The following TLE1 variants were observed in gnomAD, a reference collection of about 807,000 sequenced individuals.
TLE1 encodes transducin-like enhancer protein 1.
In TLE1, 21 loss-of-function variants were observed where a neutral mutation model predicts 89.8. The ratio of observed to expected loss-of-function variants is 0.23; its 90% CI spans 0.17 to 0.34. The LOEUF is 0.34. TLE1 is among the 10% of genes least tolerant of loss of function. The pLI is 1.00. For missense variants in TLE1, 795 were observed against 1,031.2 expected, an observed-to-expected ratio of 0.77 and a Z score of 3.14; for synonymous variants, 447 against 407.6, an observed-to-expected ratio of 1.10 and a Z score of -1.16.
rs750147959 is a variant in TLE1 at position 81,616,740 on chromosome 9, G to C, written c.712-41C>G. ...ATTAACGCCATTTACTAAAAGCTAAGAATAGGTTTGAGGCACAGTTAGATT... is the reference window on the plus strand; with the variant it reads ...ATTAACGCCATTTACTAAAAGCTAACAATAGGTTTGAGGCACAGTTAGATT... On this transcript the variant is annotated intron_variant, in intron 9 of 19. Coordinates refer to ENST00000376499, the MANE Select transcript of TLE1 (RefSeq NM_005077.5). 6.8e-6 allele frequency: 11 copies of C among 1,610,002 alleles called. No homozygotes were observed. The South Asian group carries it at 1.2e-4, about 18-fold the overall frequency.
At chr9:81,677,245 CA>C (rs71359022) in intron 4 of TLE1, among the ~76,000 whole-genome samples, 2 of 144,938 alleles carry the variant, frequency 1.4e-5, no homozygotes, top group African/African-American at 2.6e-5. Flanking sequence ...TTCCCCCCCC[CA>C]AAAAAAAGAC....
intron 4 of TLE1, among the ~76,000 whole-genome samples, chr9:81,674,811 C>G (rs551544808): frequency 1.3e-5 from 2 of 152,006 alleles, no homozygotes; most frequent in Non-Finnish European, 2.9e-5. Context: ...GTACAAAGGG[C>G]AAGTCTAGGA....
chr9:81,687,726 G>A (rs1298372122), intron 1 of TLE1, among the ~76,000 whole-genome samples: 1 of 152,048 alleles, frequency 6.6e-6, no homozygotes, highest in Non-Finnish European at 1.5e-5. Flanking sequence ...GGCCAGGGAA[G>A]ACCAGGCCAG....
At chr9:81,634,374 G>A in intron 6 of TLE1, 73 bp from the exon 7 acceptor site, 1 of 1,268,032 alleles carries the variant, frequency 7.9e-7, no homozygotes, top group Non-Finnish European at 1.1e-6. Flanking sequence ...GGCGATGGAG[G>A]CGGCATCCAG....
At position 81,688,680 on chromosome 9, in the gene TLE1, C is replaced by T. The variant is rs1312936736; in HGVS notation, c.-440G>A. On this transcript the variant is annotated 5_prime_UTR_variant, in exon 1 of 20. Coordinates refer to ENST00000376499, the MANE Select transcript of TLE1 (RefSeq NM_005077.5). ...CGGACTGCTTTTCTTTGCTCTTCTC[C>T]TGGTCCGCCTCCTCTTCGGGCTTTC... 3.1e-5 allele frequency: 5 copies of T among 162,568 alleles called. No homozygotes were observed. The highest frequency in any genetic ancestry group is 6.6e-5 in the Non-Finnish European group (5 of 75,482). The allele number at this position is 162,568 out of a possible 1,614,324, so 10.1% of individuals were successfully genotyped here.
In TLE1 at chr9:81,593,388, T is replaced by A. The variant is rs116381546; in HGVS notation, c.1332-114A>T. On this transcript the variant is annotated intron_variant, in intron 14 of 19. Transcript: ENST00000376499. ...AGATGAAAAAAAGGAAAGATTCTCT[T>A]GTATAGTTTCCTTTGAAATCAATAC... is the stretch of plus-strand genomic sequence containing the variant. 3,214 of 1,353,032 alleles carry A rather than the reference T, an allele frequency of 2.4e-3. 67 individuals carry two copies. The African/African-American group carries it at 0.042, about 18-fold the overall frequency. The allele number at this position is 1,353,032 out of a possible 1,614,324, so 83.8% of individuals were successfully genotyped here.
intron 16 of TLE1, among the ~76,000 whole-genome samples, chr9:81,589,943 G>A (rs1014248765): frequency 1.4e-4 from 21 of 152,052 alleles, no homozygotes; most frequent in Non-Finnish European, 1.9e-4. Flanking sequence ...GATTTCTACA[G>A]CGGAGGTTTG....
At chr9:81,618,241 C>A (rs1824802181) in intron 9 of TLE1, among the ~76,000 whole-genome samples, 1 of 152,160 alleles carries the variant, frequency 6.6e-6, no homozygotes, top group South Asian at 2.1e-4. Flanking sequence ...CTAAACAATT[C>A]TCTTACTGAT....
At chr9:81,612,945 C>T (rs1327048826) in intron 12 of TLE1, among the ~76,000 whole-genome samples, 1 of 152,202 alleles carries the variant, frequency 6.6e-6, no homozygotes, top group African/African-American at 2.4e-5. Flanking sequence ...GTAATCCCAG[C>T]TCTTTAGGAG....
chr9:81,661,343 C>T (rs1830774865), intron 4 of TLE1, among the ~76,000 whole-genome samples: 1 of 151,670 alleles, frequency 6.6e-6, no homozygotes, highest in African/African-American at 2.4e-5. Context: ...GAGCCCACTC[C>T]TCAGCGCCCG....
At chr9:81,606,226 A>G (rs1272988748) in intron 14 of TLE1, among the ~76,000 whole-genome samples, 1 of 152,244 alleles carries the variant, frequency 6.6e-6, no homozygotes, top group African/African-American at 2.4e-5. Context: ...TTCCTCAAGG[A>G]TCTAGAACTA....
chr9:81,639,023 A>T (rs1827759883), intron 6 of TLE1, among the ~76,000 whole-genome samples: 1 of 152,108 alleles, frequency 6.6e-6, no homozygotes, highest in South Asian at 2.1e-4. Context: ...CCTGGGCTCA[A>T]GCAATCCTCT....
intron 6 of TLE1, among the ~76,000 whole-genome samples, chr9:81,645,721 C>T (rs182014450): frequency 6.6e-6 from 1 of 151,972 alleles, no homozygotes; most frequent in Admixed American, 6.6e-5. Flanking sequence ...GCCTGGGCAA[C>T]AAGAGTGAAA....
intron 9 of TLE1, 84 bp from the exon 10 acceptor site, chr9:81,616,783 G>A: frequency 6.6e-7 from 1 of 1,523,396 alleles, no homozygotes; most frequent in Non-Finnish European, 9.1e-7. Context: ...ATAGTTCCTG[G>A]TAGCAGACAG....
chr9:81,606,640 G>C (rs192466266), intron 14 of TLE1, among the ~76,000 whole-genome samples: 2 of 152,068 alleles, frequency 1.3e-5, no homozygotes, highest in Admixed American at 6.6e-5. Flanking sequence ...GTGGGGGACT[G>C]GGGGAGGGAT....
intron 11 of TLE1, 77 bp downstream of exon 11, chr9:81,615,905 T>C: frequency 6.4e-7 from 1 of 1,562,806 alleles, no homozygotes; most frequent in Non-Finnish European, 8.7e-7. Flanking sequence ...CCCCCACATT[T>C]CCAATACTTC....
rs1449282878 is a variant in TLE1, at chr9:81,613,361, A to G, written c.1063+16T>C. On this transcript the variant is annotated intron_variant, in intron 12 of 19. Transcript: ENST00000376499. ...GGGAGAAACCAAACAAAGCACAACA[A>G]GAGGCGATGCTGTACCCGCTTGGTT... is the stretch of plus-strand genomic sequence containing the variant. 6.2e-7 allele frequency: 1 copy of G among 1,611,094 alleles called. No homozygotes were observed. Among genetic ancestry groups the G allele is most frequent in the Admixed American group, 1.7e-5 (1 of 59,272 alleles).
At chr9:81,620,388 C>A (rs779918321) in intron 9 of TLE1, 53 bp downstream of exon 9, 2 of 1,332,840 alleles carry the variant, frequency 1.5e-6, no homozygotes, top group South Asian at 1.3e-5. Context: ...TACTTGGATA[C>A]TCAGGTGAGC....
At chr9:81,684,276 G>A (rs866769737) in intron 4 of TLE1, among the ~76,000 whole-genome samples, 2 of 151,922 alleles carry the variant, frequency 1.3e-5, no homozygotes, top group Non-Finnish European at 2.9e-5. Flanking sequence ...GCCTGAATAA[G>A]GCACTAGCCA....
Sources: gnomAD v4.1 joint callset for allele counts (sites outside exome capture counted in the v4.1 genomes callset) on GRCh38, gnomAD v4.1.1 for gene constraint, MANE v1.5 for transcripts, NCBI Gene and HGNC (gene_info 2026-07-23, HGNC 2026-07-21) for gene names.